The following CCDC125 variants were observed in gnomAD, a reference collection of about 807,000 sequenced individuals.
CCDC125 encodes the protein coiled-coil domain-containing protein 125.
A neutral mutation model predicts 57.4 loss-of-function variants in CCDC125; 43 were observed. That is an observed-to-expected ratio of 0.75 (90% CI 0.59 to 0.97). The LOEUF is 0.97. Ranked by LOEUF, CCDC125 falls within the 50% of genes least tolerant of loss-of-function variation. The pLI is 0.00. For missense variants in CCDC125, 563 were observed against 595.7 expected (o/e 0.95, Z 0.57); for synonymous variants, 187 against 195.2 (o/e 0.96, Z 0.35).
At chr5:69,311,090 T>G in intron 4 of CCDC125, 28 bp downstream of exon 4, 2 of 1,424,438 alleles carry the variant, frequency 1.4e-6, no homozygotes, top group Non-Finnish European at 2.0e-6. Context: ...AATGTGTAAA[T>G]GGTGAAAGTT....
intron 8 of CCDC125, 82 bp downstream of exon 8, chr5:69,299,930 A>G (rs1255981737): frequency 9.3e-7 from 1 of 1,080,072 alleles, no homozygotes; most frequent in Non-Finnish European, 1.4e-6. Flanking sequence ...GCTATCCTAC[A>G]ATGTGTACAC....
the CCDC125 span, among the ~76,000 whole-genome samples, chr5:69,273,715 G>C: frequency 6.6e-6 from 1 of 152,212 alleles, no homozygotes; most frequent in South Asian, 2.1e-4. Context: ...ACTAATGAAA[G>C]TGAGATCACA....
chr5:69,300,144 G>C lies in CCDC125; in HGVS notation c.701-17C>G. The C allele has an allele frequency of 6.4e-7, 1 of 1,570,382 alleles. No individual in the cohort carries two copies. The highest frequency in any genetic ancestry group is 8.8e-7 in the Non-Finnish European group (1 of 1,140,148). ...GATTCAAAACTAGGAAGGGCCATATGAGAAAGTATTCATTATGAAGCCTAA... is the reference window on the plus strand; with the variant it reads ...GATTCAAAACTAGGAAGGGCCATATCAGAAAGTATTCATTATGAAGCCTAA... On this transcript the variant is annotated splice_polypyrimidine_tract_variant and intron_variant, in intron 7 of 11. Coordinates refer to ENST00000396496, the MANE Select transcript of CCDC125 (RefSeq NM_176816.5).
At chr5:69,279,160 C>G (rs1752342691), downstream of CCDC125, among the ~76,000 whole-genome samples, 1 of 150,156 alleles carries the variant, frequency 6.7e-6, no homozygotes, top group African/African-American at 2.5e-5. Flanking sequence ...TATTTGGAGG[C>G]CCCTGGAAAG....
chr5:69,275,623 A>G (rs1415445404), downstream of CCDC125, among the ~76,000 whole-genome samples: 1 of 152,246 alleles, frequency 6.6e-6, no homozygotes, highest in Non-Finnish European at 1.5e-5. Context: ...AAGGACATTA[A>G]CAAAACTTTG....
intron 6 of CCDC125, among the ~76,000 whole-genome samples, chr5:69,306,309 C>T (rs6450031): frequency 0.033 from 5,000 of 151,976 alleles, 258 homozygotes; most frequent in African/African-American, 0.11. Context: ...AGAGTTTATA[C>T]TATTTTGGTT....
Position 69,305,825 on chromosome 5 carries a change from C to G in CCDC125, c.617+992G>C, listed in dbSNP as rs535879870. Among the ~76,000 whole-genome samples, 636 of 152,260 alleles carry G rather than the reference C, an allele frequency of 4.2e-3. 3 individuals are homozygous for G. The highest frequency in any genetic ancestry group is 0.015 in the African/African-American group (613 of 41,550). Reference sequence around the variant, plus strand: ...CCTTGTTCACTGGAGCAAGGAGCCCCCTGACCCCTTCTTCCAAATATACTC... The same window carrying G: ...CCTTGTTCACTGGAGCAAGGAGCCCGCTGACCCCTTCTTCCAAATATACTC... On this transcript the variant is annotated intron_variant, in intron 6 of 11. Transcript: ENST00000396496.
intron 7 of CCDC125, among the ~76,000 whole-genome samples, chr5:69,303,059 A>C (rs1274351443): frequency 1.3e-5 from 2 of 152,100 alleles, no homozygotes; most frequent in Non-Finnish European, 2.9e-5. Flanking sequence ...TCGCTCTGTC[A>C]CCCAAGCTGC....
At chr5:69,290,280 T>TTTATTATTATTATTA (rs776480974) in intron 10 of CCDC125, among the ~76,000 whole-genome samples, 24 of 150,850 alleles carry the variant, frequency 1.6e-4, no homozygotes, top group African/African-American at 5.3e-4. Context: ...AAGCTTTCAT[T>TTTATTATTATTATTA]TTATTATTAT....
At chr5:69,291,707 G>A (rs1428974541) in intron 10 of CCDC125, among the ~76,000 whole-genome samples, 1 of 152,072 alleles carries the variant, frequency 6.6e-6, no homozygotes, top group East Asian at 1.9e-4. Flanking sequence ...CTAAACTTCT[G>A]CTTCATTTTT....
intron 7 of CCDC125, among the ~76,000 whole-genome samples, chr5:69,303,273 C>T (rs1756787452): frequency 6.6e-6 from 1 of 151,910 alleles, no homozygotes. Flanking sequence ...TGGTCTCAAA[C>T]TCCTAAGCTC....
rs561946609 is a variant in CCDC125, at chr5:69,305,410, G to A, written c.617+1407C>T. On this transcript the variant is annotated intron_variant, in intron 6 of 11. Coordinates refer to ENST00000396496, the MANE Select transcript of CCDC125 (RefSeq NM_176816.5). ...GTATTTTTGGTAGAGACAGGGTTTC[G>A]CCACATTAGCCAGGTTGGTCTAGAA... Among the ~76,000 whole-genome samples, 18 of 152,020 alleles carry A rather than the reference G, an allele frequency of 1.2e-4. No homozygotes were observed. In the East Asian group the frequency reaches 1.7e-3, roughly 15 times the overall value.
At chr5:69,304,863 T>G (rs1220250762) in intron 6 of CCDC125, among the ~76,000 whole-genome samples, 2 of 152,198 alleles carry the variant, frequency 1.3e-5, no homozygotes, top group Non-Finnish European at 2.9e-5. Flanking sequence ...CTTCAGAAAC[T>G]TACATACACA....
chr5:69,310,883 C>T (rs1355770533), intron 4 of CCDC125: 2 of 229,806 alleles, frequency 8.7e-6, no homozygotes, highest in African/African-American at 2.3e-5. Flanking sequence ...TGGAAATATT[C>T]TAAAATTAGA....
At chr5:69,307,435 C>A (rs910491439) in intron 5 of CCDC125, among the ~76,000 whole-genome samples, 1 of 151,982 alleles carries the variant, frequency 6.6e-6, no homozygotes, top group Non-Finnish European at 1.5e-5. Flanking sequence ...GTAATCCCAG[C>A]ACTTTGGGAG....
Position 69,281,363 on chromosome 5 carries a change from CATACCACAAACA to C in CCDC125, c.*1354_*1365del, listed in dbSNP as rs1752464075. The C allele has an allele frequency of 6.6e-6, 1 of 152,164 alleles. No homozygotes were observed. The highest frequency in any genetic ancestry group is 2.1e-4 in the South Asian group (1 of 4,810). 9.4% of individuals were successfully genotyped at this position (152,164 alleles called of 1,614,324 possible). ...CCCCACCCCCACACACCCCAATTCA[CATACCACAAACA>C]AAAAAACTCCTAGAAATCACCTTGG... On this transcript the variant is annotated 3_prime_UTR_variant, in exon 12 of 12. Coordinates refer to ENST00000396496, the MANE Select transcript of CCDC125 (RefSeq NM_176816.5).
chr5:69,292,360 C>A lies in CCDC125; in HGVS notation c.927G>T (p.Leu309Phe), dbSNP rs770643116. The A allele has an allele frequency of 6.2e-7, 1 of 1,610,324 alleles. No homozygotes were observed. The highest frequency in any genetic ancestry group is 1.1e-5 in the South Asian group (1 of 90,042). The change falls in exon 10 of 12, where the codon TTG (leucine) becomes TTT (phenylalanine). Residue 309 changes from leucine to phenylalanine, a missense_variant and splice_region_variant. Coordinates refer to ENST00000396496, the MANE Select transcript of CCDC125 (RefSeq NM_176816.5). ...CTTCTTTACTCTTCTGCAAAATTTCCAACTGATTTTGAAAGACAGTTTGGG... is the reference window on the plus strand; with the variant it reads ...CTTCTTTACTCTTCTGCAAAATTTCAAACTGATTTTGAAAGACAGTTTGGG... ...RKLLLQLKQE[L>F]EILQKSKEEA...
At chr5:69,313,883 G>A (rs1332350983) in intron 3 of CCDC125, 102 bp downstream of exon 3, 1 of 928,030 alleles carries the variant, frequency 1.1e-6, no homozygotes, top group South Asian at 1.3e-5. Context: ...GTTTCCAGAA[G>A]CAAAAAGGAG....
intron 2 of CCDC125, among the ~76,000 whole-genome samples, chr5:69,318,344 G>A (rs1226254865): frequency 6.6e-6 from 1 of 152,068 alleles, no homozygotes; most frequent in East Asian, 1.9e-4. Flanking sequence ...CTACTCAGGA[G>A]ACTGAGGCAA....
Sources: allele counts gnomAD v4.1 joint callset (sites outside exome capture counted in the v4.1 genomes callset), GRCh38; gene constraint gnomAD v4.1.1; transcripts MANE v1.5; gene names NCBI Gene and HGNC (gene_info 2026-07-23, HGNC 2026-07-21).